Variants in PAIP2 observed in about 807,000 individuals in gnomAD.
The protein encoded by PAIP2 is polyadenylate-binding protein-interacting protein 2.
A neutral mutation model predicts 14.8 loss-of-function variants in PAIP2; 7 were observed. The ratio of observed to expected loss-of-function variants is 0.47; its 90% confidence interval spans 0.27 to 0.89. PAIP2 has a LOEUF of 0.89. Ranked by LOEUF, PAIP2 falls within the 40% of genes least tolerant of loss-of-function variation. The pLI, the probability that PAIP2 is intolerant of heterozygous loss-of-function variation, is 0.13. For missense variants in PAIP2, 122 were observed against 154.7 expected, an observed-to-expected ratio of 0.79 and a Z score of 1.12; for synonymous variants, 47 against 45.3, an observed-to-expected ratio of 1.04 and a Z score of -0.15.
At chr5:139,350,856 C>G (rs185310886) in intron 1 of PAIP2, among the ~76,000 whole-genome samples, 1 of 152,078 alleles carries the variant, frequency 6.6e-6, no homozygotes, top group African/African-American at 2.4e-5. Context: ...AGAATAGATT[C>G]AGACAAATGG....
chr5:139,352,514 T>TGTTTTTTTTTTG (rs1756776464), intron 1 of PAIP2, among the ~76,000 whole-genome samples: 1 of 148,918 alleles, frequency 6.7e-6, no homozygotes, highest in African/African-American at 2.5e-5. Context: ...TTTTTTTTTT[T>TGTTTTTTTTTTG]GAGATGGAGT....
At position 139,364,542 on chromosome 5, in the gene PAIP2, T is replaced by C. The variant is rs753151193; in HGVS notation, c.139-22T>C. 3.5e-6 allele frequency: 5 copies of C among 1,437,494 alleles called. No individual in the cohort carries two copies. In the South Asian group the frequency reaches 5.8e-5, roughly 17 times the overall value. 89.0% of individuals were successfully genotyped at this position (1,437,494 alleles called of 1,614,324 possible). ...TGATATCTACCAAGTGTGCTATAAA[T>C]TATCCTTTATTATAAATCTAGATAG... On this transcript the variant is annotated intron_variant, in intron 2 of 3. Transcript: ENST00000265192.
intron 1 of PAIP2, among the ~76,000 whole-genome samples, chr5:139,352,927 C>T (rs1756791263): frequency 6.6e-6 from 1 of 151,560 alleles, no homozygotes; most frequent in Non-Finnish European, 1.5e-5. Flanking sequence ...ACCAGCCTGA[C>T]CAACGTGGAG....
At chr5:139,364,180 A>G (rs1276040189) in intron 2 of PAIP2, 2 of 475,644 alleles carry the variant, frequency 4.2e-6, no homozygotes, top group African/African-American at 3.9e-5. Context: ...ACTTTTTCAG[A>G]GCTCTCAGAT....
In PAIP2 at chr5:139,368,887, C is replaced by A; in HGVS notation, c.*89C>A. On this transcript the variant is annotated 3_prime_UTR_variant, in exon 4 of 4. Coordinates refer to ENST00000265192, the MANE Select transcript of PAIP2 (RefSeq NM_016480.5). ...GACTTAATTGTAAAAGCTCTCTTGTCACTGTGTTACACTTATGCATTGCCA... is the reference window on the plus strand; with the variant it reads ...GACTTAATTGTAAAAGCTCTCTTGTAACTGTGTTACACTTATGCATTGCCA... 3.2e-6 allele frequency: 3 copies of A among 942,924 alleles called. No homozygotes were observed. The highest frequency in any genetic ancestry group is 1.5e-5 in the South Asian group (1 of 68,784). The allele number at this position is 942,924 out of a possible 1,614,324, so 58.4% of individuals were successfully genotyped here.
intron 1 of PAIP2, among the ~76,000 whole-genome samples, chr5:139,344,772 C>T (rs1474078698): frequency 2.6e-5 from 4 of 152,088 alleles, no homozygotes; most frequent in African/African-American, 9.7e-5. Flanking sequence ...TTAGGGTAGA[C>T]TTTGGGATTT....
intron 1 of PAIP2, among the ~76,000 whole-genome samples, chr5:139,350,515 C>G (rs970179606): frequency 5.9e-5 from 9 of 151,848 alleles, no homozygotes; most frequent in African/African-American, 2.2e-4. Flanking sequence ...CCTGTAGTCC[C>G]AGCTACTCGG....
At position 139,362,918 on chromosome 5, in the gene PAIP2, C is replaced by T. The variant is rs181720086; in HGVS notation, c.-26-841C>T. Among the ~76,000 whole-genome samples, 435 of 152,212 alleles carry T rather than the reference C, an allele frequency of 2.9e-3. 1 individual carries two copies. The highest frequency in any genetic ancestry group is 1.0e-2 in the African/African-American group (415 of 41,516). The stretch of plus-strand genomic sequence containing the variant: ...TGGTTTGGAGAGTCCATGTAAGCAA[C>T]TGATGGACTTCATTTACTGTTATCG... On this transcript the variant is annotated intron_variant, in intron 1 of 3. Coordinates refer to ENST00000265192, the MANE Select transcript of PAIP2 (RefSeq NM_016480.5).
At chr5:139,351,041 A>T (rs181583199) in intron 1 of PAIP2, among the ~76,000 whole-genome samples, 53 of 152,286 alleles carry the variant, frequency 3.5e-4, no homozygotes, top group African/African-American at 1.1e-3. Context: ...TATAATCTCA[A>T]TGTGGGAAAA....
Position 139,369,612 on chromosome 5 carries a change from T to G in PAIP2, c.*814T>G, listed in dbSNP as rs2152061057. On this transcript the variant is annotated 3_prime_UTR_variant, in exon 4 of 4. Coordinates refer to ENST00000265192, the MANE Select transcript of PAIP2 (RefSeq NM_016480.5). The stretch of plus-strand genomic sequence containing the variant: ...TCTTAAACTTCATATTTGGGTAGGT[T>G]AAGCTGCCATACGTGTTCAGTGTGA... The G allele has an allele frequency of 6.5e-6, 1 of 152,772 alleles. No homozygotes were observed. Among genetic ancestry groups the G allele is most frequent in the African/African-American group, 2.4e-5 (1 of 41,586 alleles). 9.5% of individuals were successfully genotyped at this position (152,772 alleles called of 1,614,324 possible).
At chr5:139,350,231 A>C (rs1175835148) in intron 1 of PAIP2, among the ~76,000 whole-genome samples, 1 of 152,002 alleles carries the variant, frequency 6.6e-6, no homozygotes, top group Non-Finnish European at 1.5e-5. Context: ...AGACTGGGTC[A>C]CATATTCTAT....
intron 1 of PAIP2, among the ~76,000 whole-genome samples, chr5:139,361,927 C>A (rs1757076363): frequency 1.4e-5 from 2 of 138,042 alleles, no homozygotes; most frequent in Non-Finnish European, 3.2e-5. Context: ...CTGGGTGAGA[C>A]CCTGTCTCAA....
At chr5:139,356,607 C>T (rs970272257) in intron 1 of PAIP2, among the ~76,000 whole-genome samples, 125 of 152,140 alleles carry the variant, frequency 8.2e-4, no homozygotes, top group African/African-American at 2.6e-3. Context: ...GGGCTGGGCA[C>T]GGTGACTTAC....
chr5:139,346,551 A>G (rs1756556017), intron 1 of PAIP2, among the ~76,000 whole-genome samples: 1 of 147,406 alleles, frequency 6.8e-6, no homozygotes, highest in Non-Finnish European at 1.5e-5. Context: ...TTATTTTTTG[A>G]GATGCAGTCT....
chr5:139,347,584 T>G (rs1393705485), intron 1 of PAIP2, among the ~76,000 whole-genome samples: 1 of 152,150 alleles, frequency 6.6e-6, no homozygotes, highest in Non-Finnish European at 1.5e-5. Context: ...ATACAACATT[T>G]TTATTCAAAC....
intron 3 of PAIP2, chr5:139,367,124 T>G (rs1757296634): frequency 6.6e-6 from 1 of 152,222 alleles, no homozygotes; most frequent in Admixed American, 6.5e-5. Context: ...TGTAGATACA[T>G]TATTTCCCTT....
intron 1 of PAIP2, among the ~76,000 whole-genome samples, chr5:139,359,427 C>CTCCTGAGGTCAGG (rs1757007450): frequency 6.6e-6 from 1 of 152,028 alleles, no homozygotes; most frequent in African/African-American, 2.4e-5. Context: ...GCATGAGCCA[C>CTCCTGAGGTCAGG]AGTGCCCGGT....
At chr5:139,347,560 C>T (rs907292359) in intron 1 of PAIP2, among the ~76,000 whole-genome samples, 2 of 152,124 alleles carry the variant, frequency 1.3e-5, no homozygotes, top group African/African-American at 4.8e-5. Flanking sequence ...AGGCCTGAGC[C>T]ACCACGCCAG....
At chr5:139,353,588 C>G (rs1756816858) in intron 1 of PAIP2, among the ~76,000 whole-genome samples, 1 of 152,026 alleles carries the variant, frequency 6.6e-6, no homozygotes, top group African/African-American at 2.4e-5. Context: ...CTGTCGCCCA[C>G]CATTATTACA....
Sources: gnomAD v4.1 joint callset for allele counts (sites outside exome capture counted in the v4.1 genomes callset) on GRCh38, gnomAD v4.1.1 for gene constraint, MANE v1.5 for transcripts, NCBI Gene and HGNC (gene_info 2026-07-23, HGNC 2026-07-21) for gene names.